Variants in IFT81 observed in about 807,000 individuals in gnomAD.
The protein encoded by IFT81 is intraflagellar transport 81.
Under a neutral mutation model 102.6 loss-of-function variants are expected in IFT81, and 72 were observed. That is an observed-to-expected ratio of 0.70 (90% CI 0.58 to 0.85). The LOEUF is 0.85. Ranked by LOEUF, IFT81 falls within the 40% of genes least tolerant of loss-of-function variation. The pLI is 0.00. For synonymous variants in IFT81, 237 were observed against 242.7 expected (o/e 0.98, Z 0.22); for missense variants, 723 against 787.3 (o/e 0.92, Z 0.98).
chr12:110,163,334 A>C (rs143114366), intron 11 of IFT81, among the ~76,000 whole-genome samples: 1 of 150,934 alleles, frequency 6.6e-6, no homozygotes, highest in Non-Finnish European at 1.5e-5. Flanking sequence ...TCCGCCTACC[A>C]GGTTCAAGTG....
intron 11 of IFT81, among the ~76,000 whole-genome samples, chr12:110,179,771 T>TAC (rs1180642058): frequency 2.7e-3 from 144 of 52,630 alleles, no homozygotes; most frequent in Middle Eastern, 9.4e-3. Context: ...TATATATATA[T>TAC]ATACACACAC....
At chr12:110,130,822 A>G (rs1274427662) in intron 4 of IFT81, among the ~76,000 whole-genome samples, 1 of 151,970 alleles carries the variant, frequency 6.6e-6, no homozygotes, top group African/African-American at 2.4e-5. Flanking sequence ...AGATATACAC[A>G]CACACAATGA....
chr12:110,125,401 A>AT (rs1893769765), intron 1 of IFT81, among the ~76,000 whole-genome samples: 1 of 151,694 alleles, frequency 6.6e-6, no homozygotes, highest in South Asian at 2.1e-4. Context: ...TTTTTATTTT[A>AT]TTTTTTCTGT....
chr12:110,160,082 G>A lies in IFT81; in HGVS notation c.1042-2837G>A, dbSNP rs550587409. Reference sequence around the variant, plus strand: ...GAATCTCGCCTCCTCAAACGGTTTCGAAACTCTTTTTTGTAAAATTTATGC... The same window carrying A: ...GAATCTCGCCTCCTCAAACGGTTTCAAAACTCTTTTTTGTAAAATTTATGC... On this transcript the variant is annotated intron_variant, in intron 10 of 18. Coordinates refer to ENST00000242591, the MANE Select transcript of IFT81 (RefSeq NM_014055.4). Among the ~76,000 whole-genome samples the A allele has an allele frequency of 1.1e-4, 16 of 152,200 alleles. No homozygotes were observed. In the South Asian group the frequency reaches 1.2e-3, roughly 12 times the overall value.
chr12:110,137,639 G>A (rs7972256), intron 8 of IFT81, among the ~76,000 whole-genome samples: 20,317 of 151,600 alleles, frequency 0.13, 1,868 homozygotes, highest in African/African-American at 0.27. Context: ...AGGATGCTGC[G>A]GCAGGAGAAT....
intron 12 of IFT81, among the ~76,000 whole-genome samples, chr12:110,182,799 A>G (rs1226981810): frequency 6.6e-6 from 1 of 152,180 alleles, no homozygotes; most frequent in Non-Finnish European, 1.5e-5. Context: ...CAGAGTATCT[A>G]TACCCACAGA....
At chr12:110,185,173 A>G (rs1897469888) in intron 12 of IFT81, among the ~76,000 whole-genome samples, 1 of 152,010 alleles carries the variant, frequency 6.6e-6, no homozygotes, top group Non-Finnish European at 1.5e-5. Context: ...GACTGATTAC[A>G]GTCTTCACTA....
chr12:110,180,622 A>G (rs1897284150), intron 12 of IFT81, 51 bp downstream of exon 12: 1 of 1,426,514 alleles, frequency 7.0e-7, no homozygotes, highest in Non-Finnish European at 9.7e-7. Flanking sequence ...CAGGAGGTTT[A>G]TGGGTTACAG....
At chr12:110,172,942 TG>T (rs1438951746) in intron 11 of IFT81, among the ~76,000 whole-genome samples, 3 of 114,438 alleles carry the variant, frequency 2.6e-5, no homozygotes, top group Admixed American at 8.3e-5. Flanking sequence ...GGGAGGGAGG[TG>T]GGGGTCAGCC....
intron 14 of IFT81, among the ~76,000 whole-genome samples, chr12:110,195,618 C>T (rs1897966757): frequency 1.3e-5 from 2 of 152,138 alleles, no homozygotes; most frequent in African/African-American, 4.8e-5. Context: ...CATTTACATT[C>T]TCCTCTGTTA....
intron 11 of IFT81, among the ~76,000 whole-genome samples, chr12:110,177,837 G>A (rs1182701368): frequency 6.6e-6 from 1 of 152,122 alleles, no homozygotes; most frequent in Non-Finnish European, 1.5e-5. Flanking sequence ...GCTCATGCCT[G>A]TAATCCTAGC....
At chr12:110,154,709 T>C (rs1049214636) in intron 10 of IFT81, among the ~76,000 whole-genome samples, 1 of 152,160 alleles carries the variant, frequency 6.6e-6, no homozygotes, top group Non-Finnish European at 1.5e-5. Context: ...ACCAGTTTTA[T>C]TTCTGTTGAT....
Position 110,155,797 on chromosome 12 carries a change from T to C in IFT81, c.1042-7122T>C, listed in dbSNP as rs1895806783. Among the ~76,000 whole-genome samples the C allele has an allele frequency of 3.3e-5, 5 of 152,224 alleles. No individual in the cohort carries two copies. In the South Asian group the frequency reaches 1.0e-3, roughly 31 times the overall value. On this transcript the variant is annotated intron_variant, in intron 10 of 18. Transcript: ENST00000242591. ...CTTTTGTGTTTAGTTGATTTTTTTATGGTGAAATGTTTAAATTCCTTTCTC... is the reference window on the plus strand; with the variant it reads ...CTTTTGTGTTTAGTTGATTTTTTTACGGTGAAATGTTTAAATTCCTTTCTC...
At chr12:110,136,265 G>A (rs777385364) in intron 7 of IFT81, among the ~76,000 whole-genome samples, 1 of 152,162 alleles carries the variant, frequency 6.6e-6, no homozygotes, top group Non-Finnish European at 1.5e-5. Flanking sequence ...AATCTGAGTA[G>A]ACTTATACAT....
At chr12:110,170,096 G>T (rs1021440290) in intron 11 of IFT81, among the ~76,000 whole-genome samples, 1 of 151,938 alleles carries the variant, frequency 6.6e-6, no homozygotes, top group Non-Finnish European at 1.5e-5. Flanking sequence ...GGGACTACAG[G>T]TGCCCGCCAC....
Position 110,192,643 on chromosome 12 carries a change from T to C in IFT81, c.1494T>C (p.Ser498=). The change falls in exon 14 of 19, where the codon TCT becomes TCC. Residue 498 remains serine (S), a synonymous_variant. Transcript: ENST00000242591. ...EMVKKLYSLV[S]EKKSALASVI... is the part of the protein sequence containing the mutation. ...TGAAAAAACTGTATTCATTGGTATCTGAAAAGAAGTCAGCTCTTGCCTCAG... is the reference window on the plus strand; with the variant it reads ...TGAAAAAACTGTATTCATTGGTATCCGAAAAGAAGTCAGCTCTTGCCTCAG... 1.3e-6 allele frequency: 2 copies of C among 1,584,698 alleles called. No homozygotes were observed. Among genetic ancestry groups the C allele is most frequent in the East Asian group, 2.3e-5 (1 of 44,164 alleles).
chr12:110,140,433 C>T (rs1192645753), intron 8 of IFT81, among the ~76,000 whole-genome samples: 5 of 152,152 alleles, frequency 3.3e-5, no homozygotes, highest in Admixed American at 3.3e-4. Context: ...TCTGTCCCTC[C>T]CCAGGCAACC....
intron 12 of IFT81, among the ~76,000 whole-genome samples, chr12:110,187,519 C>T (rs1407850233): frequency 1.3e-5 from 2 of 152,190 alleles, no homozygotes; most frequent in East Asian, 3.8e-4. Flanking sequence ...CCCTTCTCGG[C>T]CTCCCAAAGT....
intron 10 of IFT81, among the ~76,000 whole-genome samples, chr12:110,155,604 G>A (rs538545713): frequency 7.2e-5 from 11 of 152,184 alleles, no homozygotes; most frequent in East Asian, 3.9e-4. Flanking sequence ...GAGCCACCGC[G>A]CCCGGCCTGG....
Sources: gnomAD v4.1 joint callset for allele counts (sites outside exome capture counted in the v4.1 genomes callset) on GRCh38, gnomAD v4.1.1 for gene constraint, MANE v1.5 for transcripts, NCBI Gene and HGNC (gene_info 2026-07-23, HGNC 2026-07-21) for gene names.